Variants in SLC17A1 observed in about 807,000 individuals in gnomAD.
The protein encoded by SLC17A1 is solute carrier family 17 member 1.
A neutral mutation model predicts 53.5 loss-of-function variants in SLC17A1; 51 were observed. That is an observed-to-expected ratio of 0.95 (90% CI 0.76 to 1.20). SLC17A1 has a LOEUF of 1.20. Ranked by LOEUF, SLC17A1 falls within the 50% of genes most tolerant of loss-of-function variation. The probability of loss-of-function intolerance (pLI) is 0.00; values close to 1 mark genes in which losing one functional copy is unlikely to be tolerated. For synonymous variants in SLC17A1, 179 were observed against 198.8 expected (o/e 0.90, Z 0.84); for missense variants, 538 against 568.2 (o/e 0.95, Z 0.54).
At chr6:25,770,570 C>A in the SLC17A1 span, 1 of 1,074,240 alleles carries the variant, frequency 9.3e-7, no homozygotes, top group Non-Finnish European at 1.4e-6. Flanking sequence ...ATCTCTGTGT[C>A]TTCATAGTCC....
At chr6:25,819,475 G>A (rs1376688179) in intron 5 of SLC17A1, 36 bp downstream of exon 5, 2 of 1,481,722 alleles carry the variant, frequency 1.3e-6, no homozygotes, top group South Asian at 2.3e-5. Flanking sequence ...ATGAGATGAA[G>A]ATAGGATTCA....
chr6:25,816,910 C>G (rs557845684), intron 6 of SLC17A1, among the ~76,000 whole-genome samples: 1 of 147,082 alleles, frequency 6.8e-6, no homozygotes, highest in South Asian at 2.2e-4. Flanking sequence ...TGCAATGGCA[C>G]GATCTTGGCT....
chr6:25,757,061 G>T, the SLC17A1 span, among the ~76,000 whole-genome samples: 1 of 152,156 alleles, frequency 6.6e-6, no homozygotes, highest in Non-Finnish European at 1.5e-5. Flanking sequence ...TTGCCAATGA[G>T]TATTTGTTTG....
chr6:25,742,090 C>T, the SLC17A1 span, among the ~76,000 whole-genome samples: 10 of 152,192 alleles, frequency 6.6e-5, no homozygotes, highest in East Asian at 3.9e-4. Flanking sequence ...CAAGCCAAAC[C>T]GGTCATTGTT....
chr6:25,822,540 A>G (rs1212131563), intron 3 of SLC17A1, among the ~76,000 whole-genome samples: 1 of 152,132 alleles, frequency 6.6e-6, no homozygotes, highest in Non-Finnish European at 1.5e-5. Context: ...GTAGCAGTAA[A>G]CTGAATTGTG....
At chr6:25,778,619 A>G (rs1474664043), downstream of SLC17A1, among the ~76,000 whole-genome samples, 2 of 152,182 alleles carry the variant, frequency 1.3e-5, no homozygotes, top group African/African-American at 4.8e-5. Flanking sequence ...TGAAACCTAT[A>G]TTGTAGAAAA....
chr6:25,778,020 A>C, downstream of SLC17A1: 1 of 1,553,708 alleles, frequency 6.4e-7, no homozygotes, highest in African/African-American at 1.3e-5. Context: ...CAGTCAGGTG[A>C]GGTCAAATGT....
At chr6:25,800,564 C>T (rs989959356) in intron 11 of SLC17A1, among the ~76,000 whole-genome samples, 1 of 152,012 alleles carries the variant, frequency 6.6e-6, no homozygotes, top group South Asian at 2.1e-4. Flanking sequence ...AAAACTGTAT[C>T]TTGTTACTTA....
chr6:25,752,893 A>G, the SLC17A1 span, among the ~76,000 whole-genome samples: 1 of 151,992 alleles, frequency 6.6e-6, no homozygotes, highest in Non-Finnish European at 1.5e-5. Context: ...CAGAGCTTGC[A>G]GTGAGCCGAG....
chr6:25,737,158 C>T, the SLC17A1 span, among the ~76,000 whole-genome samples: 134 of 152,278 alleles, frequency 8.8e-4, no homozygotes, highest in Non-Finnish European at 1.4e-3. Context: ...CCATTACCAG[C>T]CATTATTCTA....
the SLC17A1 span, chr6:25,773,153 T>C: frequency 1.3e-6 from 1 of 784,278 alleles, no homozygotes; most frequent in Non-Finnish European, 2.2e-6. Context: ...ATGCAAGGGA[T>C]AGATGCCAGG....
chr6:25,724,079 TA>T, the SLC17A1 span, among the ~76,000 whole-genome samples: 1 of 152,032 alleles, frequency 6.6e-6, no homozygotes, highest in South Asian at 2.1e-4. Flanking sequence ...AATACAGTAA[TA>T]AAAAAGAATA....
chr6:25,769,066 G>T, the SLC17A1 span: 2 of 1,613,940 alleles, frequency 1.2e-6, no homozygotes, highest in East Asian at 4.5e-5. Context: ...ATGAACTTGA[G>T]CATTGCCATC....
At chr6:25,824,478 C>G (rs1253286660) in intron 3 of SLC17A1, among the ~76,000 whole-genome samples, 3 of 151,312 alleles carry the variant, frequency 2.0e-5, no homozygotes, top group Non-Finnish European at 4.4e-5. Context: ...TAAAAGATAA[C>G]TTTTTGTTGA....
chr6:25,769,268 T>C, the SLC17A1 span: 1 of 1,307,982 alleles, frequency 7.6e-7, no homozygotes, highest in South Asian at 1.3e-5. Context: ...GTGAGATTCA[T>C]TTAACCACTA....
chr6:25,727,296 T>C, the SLC17A1 span: 3 of 1,583,480 alleles, frequency 1.9e-6, no homozygotes, highest in Non-Finnish European at 1.7e-6. Flanking sequence ...CAAGTAAGCC[T>C]GCTAAGTAAA....
chr6:25,729,985 T>C, the SLC17A1 span, among the ~76,000 whole-genome samples: 1 of 152,208 alleles, frequency 6.6e-6, no homozygotes, highest in African/African-American at 2.4e-5. Flanking sequence ...AATAAAACAA[T>C]ACCAAATTGA....
chr6:25,798,224 C>A (rs1382970411), intron 12 of SLC17A1, among the ~76,000 whole-genome samples: 1 of 152,166 alleles, frequency 6.6e-6, no homozygotes, highest in African/African-American at 2.4e-5. Flanking sequence ...AATTATTCTA[C>A]AAAGAGACAT....
chr6:25,747,290 T>C, the SLC17A1 span, among the ~76,000 whole-genome samples: 2 of 152,190 alleles, frequency 1.3e-5, no homozygotes, highest in Non-Finnish European at 2.9e-5. Flanking sequence ...GAAGAATAAA[T>C]ATGTAGATCA....
Sources: allele counts gnomAD v4.1 joint callset (sites outside exome capture counted in the v4.1 genomes callset), GRCh38; gene constraint gnomAD v4.1.1; transcripts MANE v1.5; gene names NCBI Gene and HGNC (gene_info 2026-07-23, HGNC 2026-07-21).